AKAP12: variants seen among roughly 807,000 people sequenced by gnomAD.
AKAP12 encodes A-kinase anchoring protein 12.
Under a neutral mutation model 79.9 loss-of-function variants are expected in AKAP12, and 32 were observed. The observed-to-expected ratio is 0.40, with a 90% CI of 0.30 to 0.54. The LOEUF (loss-of-function observed/expected upper bound fraction) is 0.54, where lower values mean the gene tolerates loss of function less well. AKAP12 is among the 20% of genes least tolerant of loss of function. The probability of loss-of-function intolerance (pLI) is 0.48; values close to 1 mark genes in which losing one functional copy is unlikely to be tolerated. For missense variants in AKAP12, 2,074 were observed against 2,177.0 expected, an observed-to-expected ratio of 0.95 and a Z score of 0.94; for synonymous variants, 808 against 857.0, an observed-to-expected ratio of 0.94 and a Z score of 1.00.
intron 2 of AKAP12, among the ~76,000 whole-genome samples, chr6:151,243,027 C>T (rs1175613266): frequency 6.6e-6 from 1 of 152,126 alleles, no homozygotes; most frequent in African/African-American, 2.4e-5. Context: ...TCAGTCTGTT[C>T]GGTTATTAAT....
intron 3 of AKAP12, among the ~76,000 whole-genome samples, chr6:151,308,057 T>C (rs902344726): frequency 1.3e-5 from 2 of 151,878 alleles, no homozygotes; most frequent in African/African-American, 4.8e-5. Flanking sequence ...GTATTTTTAG[T>C]AGAAATGGGG....
chr6:151,353,682 A>G lies in AKAP12; in HGVS notation c.5291A>G (p.Gln1764Arg). ...ESDKAITPQA[Q>R]EELQKQERES... ...GATAAAGCGATCACACCCCAAGCAC[A>G]GGAGGAGTTACAGAAACAAGAGAGA... is the stretch of plus-strand genomic sequence containing the variant. Residue 1764 changes from glutamine to arginine, a missense_variant, in exon 4 of 5, where the codon CAG becomes CGG. Physicochemically the swap from Gln to Arg is conservative, Grantham distance 43. Around this residue, in one of 3 missense-constraint regions of AKAP12, gnomAD observed 614 missense variants for 665.6 expected, o/e 0.92. Coordinates refer to ENST00000402676, the MANE Select transcript of AKAP12 (RefSeq NM_005100.4). The G allele has an allele frequency of 6.2e-7, 1 of 1,611,440 alleles. No homozygotes were observed. The highest frequency in any genetic ancestry group is 1.1e-5 in the South Asian group (1 of 90,720).
At chr6:151,306,683 G>A (rs1776985494) in intron 3 of AKAP12, among the ~76,000 whole-genome samples, 1 of 152,176 alleles carries the variant, frequency 6.6e-6, no homozygotes, top group Non-Finnish European at 1.5e-5. Flanking sequence ...ACTTAGATGA[G>A]ATTCTTCAAA....
intron 2 of AKAP12, among the ~76,000 whole-genome samples, chr6:151,257,472 T>A (rs1797324993): frequency 6.6e-6 from 1 of 152,216 alleles, no homozygotes; most frequent in Non-Finnish European, 1.5e-5. Context: ...AATTTTTGTA[T>A]TTTTAGTAGA....
chr6:151,327,787 T>G (rs1326912371), intron 3 of AKAP12, among the ~76,000 whole-genome samples: 2 of 152,238 alleles, frequency 1.3e-5, no homozygotes, highest in African/African-American at 4.8e-5. Context: ...TTTACTTTTC[T>G]TACAATGTGG....
Position 151,349,048 on chromosome 6 carries a change from C to A in AKAP12, c.657C>A (p.Ser219Arg), listed in dbSNP as rs1778197735. 6.2e-7 allele frequency: 1 copy of A among 1,613,042 alleles called. No homozygotes were observed. Reference sequence around the variant, plus strand: ...GGGCTGGCGACCACAAGGACCCCAGCCTTGGGGCTGGAGAAGCAGCATCCA... The same window carrying A: ...GGGCTGGCGACCACAAGGACCCCAGACTTGGGGCTGGAGAAGCAGCATCCA... ...AAGAGDHKDP[S>R]LGAGEAASKE... Residue 219 changes from serine (S) to arginine (R), a missense_variant, in exon 4 of 5, where the codon AGC becomes AGA. Around this residue, in one of 3 missense-constraint regions of AKAP12, gnomAD observed 1,428 missense variants for 1,451.0 expected, o/e 0.98. Coordinates refer to ENST00000402676, the MANE Select transcript of AKAP12 (RefSeq NM_005100.4).
intron 2 of AKAP12, among the ~76,000 whole-genome samples, chr6:151,302,763 A>G (rs1025010558): frequency 9.9e-5 from 15 of 152,134 alleles, no homozygotes. Flanking sequence ...GTATGTCAAC[A>G]GTTTCTAGGT....
At chr6:151,314,780 C>A (rs1357334445) in intron 3 of AKAP12, among the ~76,000 whole-genome samples, 1 of 152,078 alleles carries the variant, frequency 6.6e-6, no homozygotes, top group Admixed American at 6.6e-5. Flanking sequence ...TTCTGCTGGG[C>A]ACAGTGGCTC....
At position 151,351,049 on chromosome 6, in the gene AKAP12, G is replaced by C; in HGVS notation, c.2658G>C (p.Glu886Asp). Residue 886 changes from glutamate (E) to aspartate (D), a missense_variant, in exon 4 of 5, where the codon GAG (glutamate) becomes GAC (aspartate). Physicochemically the swap from Glu to Asp is conservative, Grantham distance 45. This residue lies in a region of AKAP12 where 1,428 missense variants were observed against 1,451.0 expected (regional missense o/e 0.98). Coordinates refer to ENST00000402676, the MANE Select transcript of AKAP12 (RefSeq NM_005100.4). The surrounding 1 kb of genome is among the most constrained non-coding windows in gnomAD (Gnocchi z 4.4). Reference sequence around the variant, plus strand: ...CTGAGGTGTCCAAGGAGCTCAGCGAGAGTCAGGTTCATATGATGGCAGCAG... The same window carrying C: ...CTGAGGTGTCCAAGGAGCTCAGCGACAGTCAGGTTCATATGATGGCAGCAG... ...AATEVSKELS[E>D]SQVHMMAAAV... The C allele has an allele frequency of 6.2e-7, 1 of 1,614,184 alleles. No individual in the cohort carries two copies. The highest frequency in any genetic ancestry group is 2.2e-5 in the East Asian group (1 of 44,868).
chr6:151,329,329 T>G (rs1403133319), intron 3 of AKAP12, among the ~76,000 whole-genome samples: 1 of 152,178 alleles, frequency 6.6e-6, no homozygotes, highest in Non-Finnish European at 1.5e-5. Context: ...TTGGCCAGGC[T>G]GGTCTTGAAC....
At chr6:151,340,860 C>T (rs1582893617) in intron 3 of AKAP12, among the ~76,000 whole-genome samples, 2 of 152,196 alleles carry the variant, frequency 1.3e-5, no homozygotes, top group East Asian at 1.9e-4. Flanking sequence ...ATTGTTTCCT[C>T]GTGATTAGAT....
At chr6:151,355,435 A>C (rs1778417904) in intron 4 of AKAP12, among the ~76,000 whole-genome samples, 1 of 151,248 alleles carries the variant, frequency 6.6e-6, no homozygotes, top group Admixed American at 6.6e-5. Flanking sequence ...CCCGAATAGC[A>C]GGGACTATAG....
At chr6:151,266,535 T>C (rs888556149) in intron 2 of AKAP12, among the ~76,000 whole-genome samples, 1 of 152,198 alleles carries the variant, frequency 6.6e-6, no homozygotes, top group Non-Finnish European at 1.5e-5. Flanking sequence ...TCAATTCCTG[T>C]GCATTTTAGA....
At chr6:151,280,761 C>T (rs1266734949) in intron 2 of AKAP12, 1 of 151,756 alleles carries the variant, frequency 6.6e-6, no homozygotes, top group African/African-American at 2.4e-5. Flanking sequence ...CCACTTCAGC[C>T]CCCCGAGTAG....
chr6:151,272,539 A>ATAGATAGG (rs1554321923), intron 2 of AKAP12, among the ~76,000 whole-genome samples: 6 of 151,720 alleles, frequency 4.0e-5, no homozygotes, highest in African/African-American at 1.5e-4. Flanking sequence ...AGATAGATAG[A>ATAGATAGG]GATGGAGTCT....
chr6:151,292,908 T>G (rs956202801), intron 2 of AKAP12, among the ~76,000 whole-genome samples: 1 of 152,204 alleles, frequency 6.6e-6, no homozygotes, highest in African/African-American at 2.4e-5. Flanking sequence ...AGTTGTGTAG[T>G]GTTTAGCCAC....
chr6:151,263,421 A>C (rs1385994228), intron 2 of AKAP12, among the ~76,000 whole-genome samples: 1 of 152,164 alleles, frequency 6.6e-6, no homozygotes, highest in African/African-American at 2.4e-5. Context: ...ACTTCCTGAA[A>C]GCTTTGCTTT....
chr6:151,310,128 C>T (rs746979413), intron 3 of AKAP12, among the ~76,000 whole-genome samples: 7 of 152,058 alleles, frequency 4.6e-5, no homozygotes, highest in East Asian at 1.9e-4. Context: ...TTTGGGGGGC[C>T]GAGGCGAGTG....
chr6:151,241,457 G>A (rs1796974762), intron 2 of AKAP12, among the ~76,000 whole-genome samples: 1 of 152,226 alleles, frequency 6.6e-6, no homozygotes, highest in Non-Finnish European at 1.5e-5. Flanking sequence ...CGCTAGAGTG[G>A]CTAGAAGTTC....
Sources: gnomAD v4.1 joint callset for allele counts (sites outside exome capture counted in the v4.1 genomes callset) on GRCh38, gnomAD v4.1.1 for gene constraint, gnomAD v4.1.1 regional missense constraint, Gnocchi (gnomAD v3.1) non-coding constraint, MANE v1.5 for transcripts, NCBI Gene and HGNC (gene_info 2026-07-23, HGNC 2026-07-21) for gene names.